Variants in HPSE2 observed in about 807,000 individuals in gnomAD.
HPSE2 encodes inactive heparanase-2.
In HPSE2, 38 loss-of-function variants were observed where a neutral mutation model predicts 60.5. The observed-to-expected ratio is 0.63, with a 90% confidence interval of 0.48 to 0.82. The LOEUF (loss-of-function observed/expected upper bound fraction) is 0.82. Among genes scored for constraint, HPSE2 ranks in the 40% least tolerant of loss-of-function variants. The probability of loss-of-function intolerance (pLI) is 0.00; values close to 1 mark genes in which losing one functional copy is unlikely to be tolerated. For synonymous variants in HPSE2, 295 were observed against 293.2 expected (o/e 1.01, Z -0.06); for missense variants, 713 against 740.4 (o/e 0.96, Z 0.43).
intron 3 of HPSE2, among the ~76,000 whole-genome samples, chr10:99,092,330 A>C (rs1344414622): frequency 1.3e-5 from 2 of 152,214 alleles, no homozygotes; most frequent in Non-Finnish European, 2.9e-5. Context: ...ACTATGTGAT[A>C]GATATTATTG....
At chr10:98,729,598 G>C (rs577792794) in intron 4 of HPSE2, among the ~76,000 whole-genome samples, 3 of 152,060 alleles carry the variant, frequency 2.0e-5, no homozygotes, top group Non-Finnish European at 4.4e-5. Flanking sequence ...GACAGAGCGA[G>C]ACTCTGTCTC....
chr10:98,930,113 G>C (rs1954601825), intron 3 of HPSE2, among the ~76,000 whole-genome samples: 1 of 142,412 alleles, frequency 7.0e-6, no homozygotes, highest in Non-Finnish European at 1.5e-5. Flanking sequence ...GCATGCATCA[G>C]CTCTTTTCTC....
At chr10:98,472,880 T>C (rs1940837950) in intron 11 of HPSE2, among the ~76,000 whole-genome samples, 1 of 152,166 alleles carries the variant, frequency 6.6e-6, no homozygotes, top group African/African-American at 2.4e-5. Context: ...AATACATAGA[T>C]AGCAATGGAG....
chr10:99,127,043 G>A (rs1845191027), intron 3 of HPSE2, among the ~76,000 whole-genome samples: 1 of 152,120 alleles, frequency 6.6e-6, no homozygotes, highest in African/African-American at 2.4e-5. Context: ...CTACCCAAAT[G>A]AGAAGGAACC....
intron 9 of HPSE2, among the ~76,000 whole-genome samples, chr10:98,553,155 C>CA (rs1380610407): frequency 1.3e-5 from 2 of 152,098 alleles, no homozygotes; most frequent in Non-Finnish European, 2.9e-5. Context: ...ACATCTAATT[C>CA]AAAGCATCTA....
At chr10:98,886,867 T>C (rs1015906819) in intron 3 of HPSE2, among the ~76,000 whole-genome samples, 5 of 152,128 alleles carry the variant, frequency 3.3e-5, no homozygotes, top group African/African-American at 7.2e-5. Context: ...CAGGAAGTGA[T>C]AGGATGAATC....
At chr10:99,248,803 T>G in the HPSE2 span, among the ~76,000 whole-genome samples, 1 of 152,168 alleles carries the variant, frequency 6.6e-6, no homozygotes, top group Non-Finnish European at 1.5e-5. Context: ...CTGTGCAACC[T>G]CAGGACGCTG....
At chr10:99,106,311 C>G (rs980331530) in intron 3 of HPSE2, among the ~76,000 whole-genome samples, 3 of 152,070 alleles carry the variant, frequency 2.0e-5, no homozygotes, top group African/African-American at 7.2e-5. Context: ...GTACAATTAT[C>G]ATACTTTTGT....
chr10:98,532,787 A>G (rs1943170077), intron 9 of HPSE2, among the ~76,000 whole-genome samples: 1 of 152,196 alleles, frequency 6.6e-6, no homozygotes. Context: ...TTCAGAGGGC[A>G]GAACAATAGC....
chr10:98,746,623 G>C (rs1028491466), intron 3 of HPSE2, among the ~76,000 whole-genome samples: 12 of 151,940 alleles, frequency 7.9e-5, no homozygotes, highest in Middle Eastern at 6.8e-3. Context: ...TTTCAAGAAA[G>C]ACAGATAACT....
At chr10:98,479,919 G>A (rs1941168784) in intron 11 of HPSE2, among the ~76,000 whole-genome samples, 1 of 152,150 alleles carries the variant, frequency 6.6e-6, no homozygotes, top group South Asian at 2.1e-4. Context: ...AGGAAGCTCA[G>A]GTTTGATCAC....
At chr10:98,913,106 A>G (rs1305652178) in intron 3 of HPSE2, among the ~76,000 whole-genome samples, 1 of 152,202 alleles carries the variant, frequency 6.6e-6, no homozygotes, top group Admixed American at 6.5e-5. Context: ...AAAATACATA[A>G]CTTTAAAAAA....
chr10:98,513,946 G>C (rs1315608473), intron 9 of HPSE2, among the ~76,000 whole-genome samples: 1 of 152,084 alleles, frequency 6.6e-6, no homozygotes, highest in Non-Finnish European at 1.5e-5. Context: ...AGACATACTT[G>C]TACATGGATG....
chr10:98,718,686 CA>C (rs1401382723), intron 5 of HPSE2, among the ~76,000 whole-genome samples: 2 of 151,812 alleles, frequency 1.3e-5, no homozygotes, highest in Non-Finnish European at 2.9e-5. Flanking sequence ...AAGCCAGGCA[CA>C]AAAAGACAAA....
At chr10:98,675,567 C>CACAT (rs1263972121) in intron 6 of HPSE2, among the ~76,000 whole-genome samples, 3 of 151,574 alleles carry the variant, frequency 2.0e-5, no homozygotes, top group African/African-American at 7.3e-5. Context: ...CACACACACA[C>CACAT]ACACACACAC....
intron 2 of HPSE2, among the ~76,000 whole-genome samples, chr10:99,175,936 A>G (rs753832131): frequency 6.6e-6 from 1 of 152,180 alleles, no homozygotes; most frequent in African/African-American, 2.4e-5. Flanking sequence ...ACAGGCAGCA[A>G]TCTTTGCTGT....
chr10:98,534,922 A>C (rs1943236403), intron 9 of HPSE2, among the ~76,000 whole-genome samples: 1 of 152,076 alleles, frequency 6.6e-6, no homozygotes, highest in Admixed American at 6.6e-5. Context: ...AGCTTCCTTC[A>C]TTTGGGTATA....
At chr10:98,965,506 G>A (rs1343873537) in intron 3 of HPSE2, among the ~76,000 whole-genome samples, 1 of 151,562 alleles carries the variant, frequency 6.6e-6, no homozygotes, top group Non-Finnish European at 1.5e-5. Context: ...TGAATATGAG[G>A]TCTCTTCTAC....
intron 11 of HPSE2, among the ~76,000 whole-genome samples, chr10:98,469,777 T>C (rs1004711938): frequency 5.9e-5 from 9 of 152,214 alleles, no homozygotes; most frequent in Non-Finnish European, 1.2e-4. Flanking sequence ...TCCAAACCCT[T>C]AGTGATCTCA....
Sources: allele counts gnomAD v4.1 joint callset (sites outside exome capture counted in the v4.1 genomes callset), GRCh38; gene constraint gnomAD v4.1.1; transcripts MANE v1.5; gene names NCBI Gene and HGNC (gene_info 2026-07-23, HGNC 2026-07-21).